Variants in ARHGAP10 observed in about 807,000 individuals in gnomAD.
The protein encoded by ARHGAP10 is rho GTPase-activating protein 10.
ARHGAP10 carries 87 observed loss-of-function variants against 108.6 expected under a neutral mutation model. The observed-to-expected ratio is 0.80, with a 90% CI of 0.67 to 0.96. The LOEUF is 0.96. Ranked by LOEUF, ARHGAP10 falls within the 40% of genes least tolerant of loss-of-function variation. The probability of loss-of-function intolerance (pLI) is 0.00; values close to 1 mark genes in which losing one functional copy is unlikely to be tolerated. For synonymous variants in ARHGAP10, 347 were observed against 341.1 expected (o/e 1.02, Z -0.19); for missense variants, 939 against 954.5 (o/e 0.98, Z 0.21).
At chr4:147,926,168 C>T (rs112735856) in intron 13 of ARHGAP10, among the ~76,000 whole-genome samples, 1 of 152,120 alleles carries the variant, frequency 6.6e-6, no homozygotes, top group African/African-American at 2.4e-5. Context: ...TCTGCCTTAA[C>T]TCTTTCTGTA....
In ARHGAP10 at chr4:147,884,925, G is replaced by A. The variant is rs185912105; in HGVS notation, c.1034+2993G>A. Among the ~76,000 whole-genome samples, 4 of 152,308 alleles carry A rather than the reference G, an allele frequency of 2.6e-5. No homozygotes were observed. The East Asian group carries it at 5.8e-4, about 22-fold the overall frequency. ...TTTGTATTTCTCAAAGCTCATTCTGGCAGAGTAAGAAAGATTTGGAGGTAG... is the reference window on the plus strand; with the variant it reads ...TTTGTATTTCTCAAAGCTCATTCTGACAGAGTAAGAAAGATTTGGAGGTAG... On this transcript the variant is annotated intron_variant, in intron 10 of 22. Transcript: ENST00000336498.
chr4:147,818,574 A>AG (rs1189551627), intron 1 of ARHGAP10, among the ~76,000 whole-genome samples: 2 of 151,992 alleles, frequency 1.3e-5, no homozygotes, highest in African/African-American at 4.8e-5. Context: ...CCAAAAAAAA[A>AG]AAAAAAAAAA....
At chr4:147,906,585 A>G in intron 10 of ARHGAP10, 53 bp from the exon 11 acceptor site, 2 of 1,581,588 alleles carry the variant, frequency 1.3e-6, no homozygotes, top group Non-Finnish European at 1.7e-6. Context: ...CTTAGGAAAA[A>G]CTTGCCTTTT....
chr4:147,920,103 C>T (rs1462100515), intron 13 of ARHGAP10, among the ~76,000 whole-genome samples: 1 of 149,044 alleles, frequency 6.7e-6, no homozygotes, highest in Non-Finnish European at 1.5e-5. Context: ...GGGAGCTTTT[C>T]TCTGAACGTC....
chr4:147,972,334 A>T (rs934123116), intron 18 of ARHGAP10, among the ~76,000 whole-genome samples: 1 of 152,190 alleles, frequency 6.6e-6, no homozygotes, highest in Non-Finnish European at 1.5e-5. Flanking sequence ...TATATATATA[A>T]AACATAAAAT....
At chr4:147,760,121 A>G (rs1304671424) in intron 1 of ARHGAP10, among the ~76,000 whole-genome samples, 1 of 152,044 alleles carries the variant, frequency 6.6e-6, no homozygotes, top group Non-Finnish European at 1.5e-5. Flanking sequence ...CACTAGCCCC[A>G]TGGTCTTGCA....
intron 5 of ARHGAP10, chr4:147,861,988 C>T (rs1196964005): frequency 6.6e-6 from 1 of 152,242 alleles, no homozygotes; most frequent in African/African-American, 2.4e-5. Context: ...TGGGGTTTCA[C>T]CAGGGACCTG....
At chr4:147,751,666 C>A (rs991655743) in intron 1 of ARHGAP10, among the ~76,000 whole-genome samples, 1 of 151,764 alleles carries the variant, frequency 6.6e-6, no homozygotes, top group African/African-American at 2.4e-5. Context: ...TGCACCTGGC[C>A]TTTTTTTGCT....
chr4:147,988,696 T>A (rs908929359), intron 18 of ARHGAP10, among the ~76,000 whole-genome samples: 1 of 152,022 alleles, frequency 6.6e-6, no homozygotes, highest in Non-Finnish European at 1.5e-5. Context: ...AAAAATGGGG[T>A]CTAGAACATT....
chr4:147,885,988 C>T (rs1036676447), intron 10 of ARHGAP10, among the ~76,000 whole-genome samples: 1 of 152,108 alleles, frequency 6.6e-6, no homozygotes, highest in African/African-American at 2.4e-5. Context: ...CATACCTGAC[C>T]TCATGTGATG....
At chr4:147,768,769 T>C (rs10006193) in intron 1 of ARHGAP10, among the ~76,000 whole-genome samples, 138,030 of 148,628 alleles carry the variant, frequency 0.93, 64,577 homozygotes, top group East Asian at 0.98. Context: ...CAGGGAATCT[T>C]GCTCTGTCAC....
At chr4:147,897,163 T>C (rs1175373090) in intron 10 of ARHGAP10, among the ~76,000 whole-genome samples, 1 of 151,996 alleles carries the variant, frequency 6.6e-6, no homozygotes, top group African/African-American at 2.4e-5. Context: ...GTTTAAACTT[T>C]TTTTTATAAA....
At chr4:148,015,543 C>T (rs1371630965) in intron 18 of ARHGAP10, among the ~76,000 whole-genome samples, 6 of 152,186 alleles carry the variant, frequency 3.9e-5, no homozygotes, top group Non-Finnish European at 8.8e-5. Flanking sequence ...ATTTTACTGT[C>T]AGACCCTGTC....
Position 147,881,974 on chromosome 4 carries a change from TA to T in ARHGAP10, c.1034+49del, listed in dbSNP as rs573781469. On this transcript the variant is annotated intron_variant, in intron 10 of 22. Transcript: ENST00000336498. ...ATTGGACATGGTGAAAGAGTCGTTTTAAAAAAATGATTTAAAAAAATAGAGG... is the reference window on the plus strand; with the variant it reads ...ATTGGACATGGTGAAAGAGTCGTTTTAAAAAATGATTTAAAAAAATAGAGG... The T allele has an allele frequency of 1.4e-3, 2,158 of 1,577,452 alleles. 42 individuals carry two copies. In the South Asian group the frequency reaches 0.023, roughly 17 times the overall value.
In ARHGAP10 at chr4:148,064,595, G is replaced by A. The variant is rs976993285; in HGVS notation, c.2272+88G>A. 1.1e-5 allele frequency: 13 copies of A among 1,221,008 alleles called. No homozygotes were observed. The African/African-American group carries it at 1.5e-4, about 14-fold the overall frequency. 75.6% of individuals were successfully genotyped at this position (1,221,008 alleles called of 1,614,324 possible). A position where few individuals can be genotyped will look rare whatever the true frequency, so the allele number is the denominator to read the frequency against. On this transcript the variant is annotated intron_variant, in intron 22 of 22. Transcript: ENST00000336498. ...GGAGTGAGCAGTCAGCGATGGTGCT[G>A]TTGTCGGGAGGGCGAGTCTCCCCCT...
At chr4:147,872,518 T>G (rs945348314) in intron 7 of ARHGAP10, among the ~76,000 whole-genome samples, 1 of 152,210 alleles carries the variant, frequency 6.6e-6, no homozygotes, top group Non-Finnish European at 1.5e-5. Context: ...TGAACTATGT[T>G]GGGGTTAGCA....
chr4:147,983,163 T>A (rs1190389547), intron 18 of ARHGAP10, among the ~76,000 whole-genome samples: 2 of 150,316 alleles, frequency 1.3e-5, no homozygotes, highest in Non-Finnish European at 3.0e-5. Flanking sequence ...ACTACAGGCA[T>A]GAGCCATGGT....
intron 16 of ARHGAP10, among the ~76,000 whole-genome samples, chr4:147,957,405 C>T (rs950082640): frequency 5.3e-5 from 8 of 152,142 alleles, no homozygotes; most frequent in Middle Eastern, 3.4e-3. Flanking sequence ...TTTTAAGGAT[C>T]GAATAAAATA....
At chr4:147,986,238 G>T (rs936362052) in intron 18 of ARHGAP10, among the ~76,000 whole-genome samples, 2 of 152,078 alleles carry the variant, frequency 1.3e-5, no homozygotes, top group Non-Finnish European at 2.9e-5. Flanking sequence ...GGGATGAAGT[G>T]AGCTACTCCA....
Sources: allele counts gnomAD v4.1 joint callset (sites outside exome capture counted in the v4.1 genomes callset), GRCh38; gene constraint gnomAD v4.1.1; transcripts MANE v1.5; gene names NCBI Gene and HGNC (gene_info 2026-07-23, HGNC 2026-07-21).